The following CYLC1 variants were observed in gnomAD, a reference collection of about 807,000 sequenced individuals.
The protein encoded by CYLC1 is cylicin 1.
Under a neutral mutation model 31.6 loss-of-function variants are expected in CYLC1, and 2 were observed. The ratio of observed to expected loss-of-function variants is 0.06; its 90% confidence interval spans 0.03 to 0.20. CYLC1 has a LOEUF of 0.20. CYLC1 is among the 10% of genes least tolerant of loss of function. The pLI, the probability that CYLC1 is intolerant of heterozygous loss-of-function variation, is 1.00. For synonymous variants in CYLC1, 185 were observed against 153.0 expected (o/e 1.21, Z -1.54); for missense variants, 595 against 424.1 (o/e 1.40, Z -3.54).
chrX:83,879,467 A>T (rs2031879098), intron 4 of CYLC1, among the ~76,000 whole-genome samples: 1 of 112,165 alleles, frequency 8.9e-6, no homozygotes, highest in Non-Finnish European at 1.9e-5. Flanking sequence ...ATGGTCATCC[A>T]TATAAGTCGT....
intron 1 of CYLC1, among the ~76,000 whole-genome samples, chrX:83,868,894 G>T (rs1178913945): frequency 1.8e-5 from 2 of 110,374 alleles, no homozygotes; most frequent in East Asian, 5.7e-4. Context: ...CCATATAAAA[G>T]CTAGAATCAC....
intron 4 of CYLC1, among the ~76,000 whole-genome samples, chrX:83,882,428 T>A (rs1210667698): frequency 9.0e-6 from 1 of 111,118 alleles, no homozygotes; most frequent in Non-Finnish European, 1.9e-5. Flanking sequence ...AGTTCTTTTT[T>A]AAAAAGTGCT....
Position 83,873,273 on chromosome X carries a change from A to G in CYLC1, c.565A>G (p.Lys189Glu). Residue 189 changes from lysine to glutamate, a missense_variant, in exon 4 of 5, where the codon AAG becomes GAG. Transcript: ENST00000329312. ...AACTAATCCAGAATCCCAAAATTCT[A>G]AGACAGTCTCAAAAAATTGTTCACA... is the stretch of plus-strand genomic sequence containing the variant. The part of the protein sequence containing the change: ...SETNPESQNS[K>E]TVSKNCSQKD... The G allele has an allele frequency of 8.3e-7, 1 of 1,200,776 alleles. No individual in the cohort carries two copies. The highest frequency in any genetic ancestry group is 1.1e-6 in the Non-Finnish European group (1 of 889,833).
rs1602304602 is a variant in CYLC1, at chrX:83,874,202, C to G, written c.1494C>G (p.His498Gln). ...TGGAGTTAAAGAAGGACAAGAAACA[C>G]TCAAAGGAAAAGAAAGGTTCAAAGA... Reference protein sequence around the residue: ...SDLELKKDKKHSKEKKGSKKD... With the variant: ...SDLELKKDKKQSKEKKGSKKD... Residue 498 changes from histidine (H) to glutamine (Q), a missense_variant, in exon 4 of 5, where the codon CAC (histidine) becomes CAG (glutamine). Physicochemically the swap from His to Gln is conservative, Grantham distance 24 (BLOSUM62 0). Transcript: ENST00000329312. 1 of 1,205,066 alleles carries G rather than the reference C, an allele frequency of 8.3e-7. No homozygotes were observed. The highest frequency in any genetic ancestry group is 1.7e-5 in the African/African-American group (1 of 57,228).
At chrX:83,874,710 C>A in intron 4 of CYLC1, 79 bp downstream of exon 4, 2 of 996,387 alleles carry the variant, frequency 2.0e-6, no homozygotes, top group South Asian at 5.6e-5. Flanking sequence ...TTTATGTTTT[C>A]TCCAAATAAT....
chrX:83,864,340 T>G, intron 1 of CYLC1, among the ~76,000 whole-genome samples: 1 of 110,966 alleles, frequency 9.0e-6, no homozygotes, highest in Middle Eastern at 4.7e-3. Flanking sequence ...ATATCATCAT[T>G]TTTTCTTAAC....
chrX:83,878,045 AAT>A (rs1218353346), intron 4 of CYLC1, among the ~76,000 whole-genome samples: 1 of 63,743 alleles, frequency 1.6e-5, no homozygotes, highest in South Asian at 8.3e-4. Flanking sequence ...TATAAATATA[AAT>A]ATATATATTT....
chrX:83,864,624 A>C lies in CYLC1; in HGVS notation c.17+3425A>C, dbSNP rs747966557. ...GATAATTCAAAAAGAACAAAAGGAG[A>C]GTTGGCAAAATTCATTCTCCTATAC... On this transcript the variant is annotated intron_variant, in intron 1 of 4. Coordinates refer to ENST00000329312, the MANE Select transcript of CYLC1 (RefSeq NM_021118.3). 9.6e-4 allele frequency: 237 copies of C among 246,951 alleles called. 2 individuals carry two copies. The highest frequency in any genetic ancestry group is 6.8e-3 in the African/African-American group (226 of 33,338). 20.4% of individuals were successfully genotyped at this position (246,951 alleles called of 1,213,427 possible). A position where few individuals can be genotyped will look rare whatever the true frequency, so the allele number is the denominator to read the frequency against.
chrX:83,868,841 T>G (rs1315711612), intron 1 of CYLC1, among the ~76,000 whole-genome samples: 1 of 111,124 alleles, frequency 9.0e-6, no homozygotes, highest in Non-Finnish European at 1.9e-5. Flanking sequence ...TTTCACGTTA[T>G]TTTACTTCCA....
chrX:83,877,808 T>A (rs2031793804), intron 4 of CYLC1, among the ~76,000 whole-genome samples: 2 of 96,517 alleles, frequency 2.1e-5, no homozygotes, highest in Non-Finnish European at 4.1e-5. Flanking sequence ...ATTTTATTCA[T>A]TTGTTTGTTA....
At chrX:83,863,284 T>G (rs1471515115) in intron 1 of CYLC1, among the ~76,000 whole-genome samples, 2 of 111,605 alleles carry the variant, frequency 1.8e-5, no homozygotes, top group Non-Finnish European at 3.8e-5. Flanking sequence ...ACTCTCCAAC[T>G]GATATGTCAG....
chrX:83,877,846 C>A (rs2031794694), intron 4 of CYLC1, among the ~76,000 whole-genome samples: 1 of 86,104 alleles, frequency 1.2e-5, no homozygotes, highest in Admixed American at 1.7e-4. Flanking sequence ...AATTCAGGTT[C>A]TATGCAGGCA....
chrX:83,878,558 A>T (rs1361875618), intron 4 of CYLC1, among the ~76,000 whole-genome samples: 1 of 86,480 alleles, frequency 1.2e-5, no homozygotes, highest in African/African-American at 4.3e-5. Context: ...ATATATTTTA[A>T]TATATGTCCA....
At position 83,867,431 on chromosome X, in the gene CYLC1, A is replaced by G. The variant is rs778047923; in HGVS notation, c.18-2434A>G. Among the ~76,000 whole-genome samples, 3 of 111,802 alleles carry G rather than the reference A, an allele frequency of 2.7e-5. No homozygotes were observed. In the East Asian group the frequency reaches 8.4e-4, roughly 31 times the overall value. ...GTACCAACATTTGTATTAATTTTCT[A>G]TTGTTGTTGTGGAAAATTGTCACAA... On this transcript the variant is annotated intron_variant, in intron 1 of 4. Coordinates refer to ENST00000329312, the MANE Select transcript of CYLC1 (RefSeq NM_021118.3).
At chrX:83,883,908 C>T (rs760416088) in intron 4 of CYLC1, among the ~76,000 whole-genome samples, 1 of 111,191 alleles carries the variant, frequency 9.0e-6, no homozygotes, top group Non-Finnish European at 1.9e-5. Flanking sequence ...TTATTCATAC[C>T]ACAAAGCTGA....
intron 4 of CYLC1, among the ~76,000 whole-genome samples, chrX:83,877,894 AT>A (rs1209590639): frequency 7.1e-5 from 3 of 41,974 alleles, no homozygotes; most frequent in Admixed American, 5.0e-4. Flanking sequence ...ATATATATAT[AT>A]ACAAATATAT....
intron 4 of CYLC1, among the ~76,000 whole-genome samples, chrX:83,879,712 A>G (rs1392007347): frequency 1.0e-5 from 1 of 96,196 alleles, no homozygotes; most frequent in African/African-American, 3.5e-5. Flanking sequence ...TCACTTTACC[A>G]TATCAAACAT....
At chrX:83,881,727 A>ATT (rs10639059) in intron 4 of CYLC1, among the ~76,000 whole-genome samples, 3,703 of 95,828 alleles carry the variant, frequency 0.039, 84 homozygotes, top group Non-Finnish European at 0.052. Flanking sequence ...TCATTACCTG[A>ATT]TTTTTTTTTT....
At chrX:83,877,745 C>A (rs1372023709) in intron 4 of CYLC1, among the ~76,000 whole-genome samples, 2 of 103,461 alleles carry the variant, frequency 1.9e-5, no homozygotes, top group African/African-American at 7.0e-5. Flanking sequence ...ACCCTCCGAA[C>A]ACTGCATCAT....
Sources: allele counts gnomAD v4.1 joint callset (sites outside exome capture counted in the v4.1 genomes callset), GRCh38; gene constraint gnomAD v4.1.1; transcripts MANE v1.5; gene names NCBI Gene and HGNC (gene_info 2026-07-23, HGNC 2026-07-21).